Variants in SOX6 observed in about 807,000 individuals in gnomAD.
SOX6 encodes SRY-box transcription factor 6, also known as transcription factor SOX-6.
In SOX6, 11 loss-of-function variants were observed where a neutral mutation model predicts 97.8. The observed-to-expected ratio is 0.11, with a 90% CI of 0.07 to 0.19. The LOEUF (loss-of-function observed/expected upper bound fraction) is 0.19. Ranked by LOEUF, SOX6 falls within the 10% of genes least tolerant of loss-of-function variation. The pLI is 1.00. For synonymous variants in SOX6, 360 were observed against 371.4 expected (o/e 0.97, Z 0.35); for missense variants, 810 against 1,039.5 (o/e 0.78, Z 3.04).
intron 3 of SOX6, among the ~76,000 whole-genome samples, chr11:16,702,302 T>G (rs564878389): frequency 6.6e-6 from 1 of 152,312 alleles, no homozygotes; most frequent in East Asian, 1.9e-4. Flanking sequence ...TCTGATCATT[T>G]TACTCAGGAC....
At chr11:16,640,100 T>C (rs1459573659) in intron 3 of SOX6, among the ~76,000 whole-genome samples, 1 of 152,224 alleles carries the variant, frequency 6.6e-6, no homozygotes, top group African/African-American at 2.4e-5. Context: ...ACCTAATTTA[T>C]TGAGAGTTTT....
In SOX6 at chr11:16,069,018, T is replaced by C. The variant is rs1015545880; in HGVS notation, c.1102-13117A>G. Among the ~76,000 whole-genome samples, 73 of 152,198 alleles carry C rather than the reference T, an allele frequency of 4.8e-4. 1 individual carries two copies. The highest frequency in any genetic ancestry group is 1.5e-3 in the African/African-American group (63 of 41,458). On this transcript the variant is annotated intron_variant, in intron 9 of 15. Coordinates refer to ENST00000683767, the MANE Select transcript of SOX6 (RefSeq NM_001367873.1). ...CCTCTTTCATATCCATTCTTGCCTC[T>C]ATCTTCTTGGAATTGCTATCATTTC...
intron 4 of SOX6, among the ~76,000 whole-genome samples, chr11:16,488,276 T>C (rs1355336944): frequency 1.3e-5 from 2 of 152,134 alleles, no homozygotes; most frequent in Non-Finnish European, 2.9e-5. Flanking sequence ...CACAGCCTAG[T>C]AAAGAAGACA....
At chr11:16,422,735 G>C (rs2133066594) in intron 1 of SOX6, among the ~76,000 whole-genome samples, 1 of 152,224 alleles carries the variant, frequency 6.6e-6, no homozygotes, top group African/African-American at 2.4e-5. Flanking sequence ...AACATCTAAG[G>C]AAAAGGCACC....
chr11:16,270,758 A>G (rs1854232181), intron 3 of SOX6, among the ~76,000 whole-genome samples: 1 of 151,500 alleles, frequency 6.6e-6, no homozygotes, highest in South Asian at 2.1e-4. Context: ...CTAGTTGATA[A>G]AAGTCATACA....
At chr11:16,269,424 C>CT (rs1854180044) in intron 3 of SOX6, among the ~76,000 whole-genome samples, 1 of 150,890 alleles carries the variant, frequency 6.6e-6, no homozygotes, top group Admixed American at 6.6e-5. Context: ...TCCATATGAA[C>CT]TTTAGTATCA....
At chr11:16,437,460 C>T (rs1261264506) in intron 1 of SOX6, among the ~76,000 whole-genome samples, 1 of 152,088 alleles carries the variant, frequency 6.6e-6, no homozygotes, top group African/African-American at 2.4e-5. Context: ...TAAAAGAGAA[C>T]CTTATATATT....
intron 12 of SOX6, among the ~76,000 whole-genome samples, chr11:16,027,741 C>T (rs1428234108): frequency 2.6e-5 from 4 of 152,190 alleles, no homozygotes; most frequent in African/African-American, 7.2e-5. Flanking sequence ...GATGCCTCCA[C>T]GTGCTGCATA....
chr11:16,234,796 G>A, intron 3 of SOX6, 125 bp from the exon 4 acceptor site: 1 of 516,334 alleles, frequency 1.9e-6, no homozygotes, highest in Non-Finnish European at 3.4e-6. Flanking sequence ...TTGAACCCCA[G>A]GATATAGAAA....
intron 15 of SOX6, among the ~76,000 whole-genome samples, chr11:15,981,283 T>A (rs1413383491): frequency 2.0e-5 from 3 of 151,980 alleles, no homozygotes; most frequent in African/African-American, 7.2e-5. Context: ...TATACATGAG[T>A]TGATATGAAC....
At chr11:16,366,844 A>G (rs1184956654) in intron 1 of SOX6, among the ~76,000 whole-genome samples, 1 of 152,174 alleles carries the variant, frequency 6.6e-6, no homozygotes, top group African/African-American at 2.4e-5. Context: ...ACATCATAAC[A>G]CAAGTGTAAG....
chr11:16,413,993 G>A (rs1244254519), intron 1 of SOX6, among the ~76,000 whole-genome samples: 1 of 140,242 alleles, frequency 7.1e-6, no homozygotes, highest in Non-Finnish European at 1.5e-5. Flanking sequence ...GCGATTAAAG[G>A]AAAGAATGGC....
intron 3 of SOX6, among the ~76,000 whole-genome samples, chr11:16,631,659 T>C (rs1010515719): frequency 1.3e-5 from 2 of 152,192 alleles, no homozygotes; most frequent in African/African-American, 4.8e-5. Context: ...CTTAAATAAT[T>C]CCCTCAAATA....
chr11:15,989,437 G>A (rs1452082205), intron 13 of SOX6, among the ~76,000 whole-genome samples: 1 of 152,050 alleles, frequency 6.6e-6, no homozygotes, highest in African/African-American at 2.4e-5. Context: ...AATTAATTTT[G>A]TGTGTGTTTT....
chr11:16,167,331 C>A (rs2124202), intron 6 of SOX6, among the ~76,000 whole-genome samples: 59,513 of 151,910 alleles, frequency 0.39, 13,301 homozygotes, highest in Non-Finnish European at 0.51. Context: ...CTAGAATTGA[C>A]TTCTCACTAT....
At chr11:16,622,964 A>G (rs532668704) in intron 3 of SOX6, among the ~76,000 whole-genome samples, 2 of 152,130 alleles carry the variant, frequency 1.3e-5, no homozygotes, top group East Asian at 3.9e-4. Flanking sequence ...GCCATTCCTA[A>G]AAAAGTAAGG....
At chr11:16,502,463 TA>T (rs35069723) in intron 4 of SOX6, among the ~76,000 whole-genome samples, 1 of 151,026 alleles carries the variant, frequency 6.6e-6, no homozygotes, top group Non-Finnish European at 1.5e-5. Context: ...AGTATAATAA[TA>T]AAAAAAATCC....
chr11:16,162,851 T>A (rs1369640582), intron 6 of SOX6, among the ~76,000 whole-genome samples: 1 of 151,984 alleles, frequency 6.6e-6, no homozygotes, highest in Non-Finnish European at 1.5e-5. Context: ...CGCTTTGTGG[T>A]TGTGACCAAT....
chr11:16,477,827 G>A (rs576130049), upstream of SOX6, among the ~76,000 whole-genome samples: 3 of 152,268 alleles, frequency 2.0e-5, no homozygotes, highest in African/African-American at 7.2e-5. Context: ...TGGTGCCTCA[G>A]GGCTTCTCCA....
Sources: gnomAD v4.1 joint callset for allele counts (sites outside exome capture counted in the v4.1 genomes callset) on GRCh38, gnomAD v4.1.1 for gene constraint, MANE v1.5 for transcripts, NCBI Gene and HGNC (gene_info 2026-07-23, HGNC 2026-07-21) for gene names.